Variants in PSMC6 observed in about 807,000 individuals in gnomAD.
The protein encoded by PSMC6 is proteasome 26S subunit, ATPase 6.
In PSMC6, 3 loss-of-function variants were observed where a neutral mutation model predicts 55.9. The ratio of observed to expected loss-of-function variants is 0.05; its 90% CI spans 0.02 to 0.14. The LOEUF (loss-of-function observed/expected upper bound fraction) is 0.14. PSMC6 is among the 10% of genes least tolerant of loss of function. PSMC6 has a pLI of 1.00. For missense variants in PSMC6, 210 were observed against 478.7 expected, an observed-to-expected ratio of 0.44 and a Z score of 5.24; for synonymous variants, 137 against 155.9, an observed-to-expected ratio of 0.88 and a Z score of 0.90.
At chr14:52,718,762 G>A (rs749438041) in intron 9 of PSMC6, 3 of 522,270 alleles carry the variant, frequency 5.7e-6, no homozygotes, top group Non-Finnish European at 1.0e-5. Context: ...CTCCAGCCTG[G>A]CGACAGAGCG....
intron 6 of PSMC6, among the ~76,000 whole-genome samples, chr14:52,712,625 CT>C (rs1300582661): frequency 4.0e-5 from 6 of 149,350 alleles, no homozygotes; most frequent in East Asian, 2.0e-4. Context: ...ATGGACACAA[CT>C]TTTTTTTTTC....
At chr14:52,711,598 A>G (rs2041773240) in intron 6 of PSMC6, 74 bp downstream of exon 6, 1 of 1,021,204 alleles carries the variant, frequency 9.8e-7, no homozygotes, top group South Asian at 1.7e-5. Flanking sequence ...AACAGGAGAA[A>G]CAGGATGAAA....
chr14:52,720,898 G>A lies in PSMC6; in HGVS notation c.815G>A (p.Arg272Lys). The A allele has an allele frequency of 1.2e-6, 2 of 1,609,064 alleles. No homozygotes were observed. Among genetic ancestry groups the A allele is most frequent in the Non-Finnish European group, 8.5e-7 (1 of 1,175,710 alleles). Residue 272 changes from arginine to lysine, a missense_variant, in exon 11 of 14, where the codon AGA (arginine) becomes AAA (lysine). Physicochemically the swap from Arg to Lys is conservative, Grantham distance 26. Transcript: ENST00000445930. ...ATGGATGGATTTGATACTCTGCATAGAGTTAAAATGATCATGGCTACAAAC... is the reference window on the plus strand; with the variant it reads ...ATGGATGGATTTGATACTCTGCATAAAGTTAAAATGATCATGGCTACAAAC... ...NQMDGFDTLHRVKMIMATNRP... is the reference protein window; with the variant it reads ...NQMDGFDTLHKVKMIMATNRP...
intron 1 of PSMC6, 37 bp from the exon 2 acceptor site, chr14:52,708,272 C>T (rs766235103): frequency 6.5e-7 from 1 of 1,535,744 alleles, no homozygotes; most frequent in South Asian, 1.1e-5. Flanking sequence ...ACTAAGATTA[C>T]TGTTCAATTA....
chr14:52,728,141 TTAAA>T lies in PSMC6; in HGVS notation c.*529_*532del, dbSNP rs1880495852. The T allele has an allele frequency of 6.5e-6, 1 of 152,944 alleles. No homozygotes were observed. Among genetic ancestry groups the T allele is most frequent in the Non-Finnish European group, 1.5e-5 (1 of 68,594 alleles). The allele number at this position is 152,944 out of a possible 1,614,324, so 9.5% of individuals were successfully genotyped here. On this transcript the variant is annotated 3_prime_UTR_variant, in exon 14 of 14. Transcript: ENST00000445930. Reference sequence around the variant, plus strand: ...ACTTAATGTTCATAAGATCATCTTCTTAAATAAAACATGGATGTGTGGGTATGTC... The same window carrying T: ...ACTTAATGTTCATAAGATCATCTTCTTAAAACATGGATGTGTGGGTATGTC...
In PSMC6 at chr14:52,723,942, T is replaced by C. The variant is rs753393133; in HGVS notation, c.980-23T>C. ...GTAAAGGTCTAATTTTTAAAACTAATTTCCAGTATTTTTTCTAAACAGATT... is the reference window on the plus strand; with the variant it reads ...GTAAAGGTCTAATTTTTAAAACTAACTTCCAGTATTTTTTCTAAACAGATT... On this transcript the variant is annotated intron_variant, in intron 12 of 13. Coordinates refer to ENST00000445930, the MANE Select transcript of PSMC6 (RefSeq NM_002806.5). 2.5e-6 allele frequency: 4 copies of C among 1,609,124 alleles called. No homozygotes were observed. The South Asian group carries it at 4.5e-5, about 18-fold the overall frequency.
Position 52,712,384 on chromosome 14 carries a change from T to TAAAAAAA in PSMC6, c.441+864_441+870dup, listed in dbSNP as rs35697515. On this transcript the variant is annotated intron_variant, in intron 6 of 13. Coordinates refer to ENST00000445930, the MANE Select transcript of PSMC6 (RefSeq NM_002806.5). The stretch of plus-strand genomic sequence containing the variant: ...ACTTGAGGAAGCACTGGTCTAAGTG[T>TAAAAAAA]AAAAAAAAAAGGCAGTTCTCACCTG... 6.0e-3 allele frequency among the ~76,000 whole-genome samples: 830 copies of TAAAAAAA among 139,384 alleles called. 19 individuals are homozygous for TAAAAAAA. The highest frequency in any genetic ancestry group is 0.016 in the African/African-American group (598 of 37,010). 91.4% of individuals were successfully genotyped at this position (139,384 alleles called of 152,430 possible).
chr14:52,721,241 A>C (rs2041887365), intron 12 of PSMC6, 51 bp downstream of exon 12: 4 of 1,397,450 alleles, frequency 2.9e-6, no homozygotes, highest in Non-Finnish European at 3.9e-6. Context: ...AATGAAGAAA[A>C]ATACTTTTAG....
At chr14:52,714,979 G>T (rs1308453882) in intron 7 of PSMC6, among the ~76,000 whole-genome samples, 1 of 151,658 alleles carries the variant, frequency 6.6e-6, no homozygotes, top group Non-Finnish European at 1.5e-5. Flanking sequence ...AATGTTGTTT[G>T]GCTCTTCCAC....
At chr14:52,718,015 TGC>T in intron 7 of PSMC6, 64 bp from the exon 8 acceptor site, 1 of 1,435,738 alleles carries the variant, frequency 7.0e-7, no homozygotes. Context: ...ACAGAGTGAT[TGC>T]CTGTCTCAAA....
intron 7 of PSMC6, among the ~76,000 whole-genome samples, chr14:52,717,825 C>T (rs12896039): frequency 1.3e-5 from 2 of 151,924 alleles, no homozygotes; most frequent in African/African-American, 4.8e-5. Context: ...CAAGACCAGC[C>T]TGCGCAACAC....
At chr14:52,711,301 T>C in intron 5 of PSMC6, 109 bp from the exon 6 acceptor site, 1 of 1,269,026 alleles carries the variant, frequency 7.9e-7, no homozygotes, top group East Asian at 2.3e-5. Context: ...TAAGCACATC[T>C]TTATGAGATC....
chr14:52,713,594 T>G (rs2041798598), intron 6 of PSMC6, among the ~76,000 whole-genome samples: 1 of 152,234 alleles, frequency 6.6e-6, no homozygotes, highest in Non-Finnish European at 1.5e-5. Context: ...TTCTTAAGTG[T>G]ACATTTCAAA....
In PSMC6 at chr14:52,727,967, A is replaced by G. The variant is rs149524978; in HGVS notation, c.*350A>G. The stretch of plus-strand genomic sequence containing the variant: ...GTTTTCCTCATCTAAAAAGTTGAAT[A>G]AAATCTGTTTGATTCAGTTCTCCTA... On this transcript the variant is annotated 3_prime_UTR_variant, in exon 14 of 14. Coordinates refer to ENST00000445930, the MANE Select transcript of PSMC6 (RefSeq NM_002806.5). 10 of 184,002 alleles carry G rather than the reference A, an allele frequency of 5.4e-5. 1 individual carries two copies. The East Asian group carries it at 1.6e-3, about 29-fold the overall frequency. The allele number at this position is 184,002 out of a possible 1,614,324, so 11.4% of individuals were successfully genotyped here.
chr14:52,708,417 G>A, intron 2 of PSMC6, 29 bp downstream of exon 2: 2 of 1,611,814 alleles, frequency 1.2e-6, no homozygotes, highest in Non-Finnish European at 1.7e-6. Context: ...GGAATAGGGG[G>A]TGATGGTAAT....
chr14:52,710,783 C>T, intron 4 of PSMC6: 1 of 334,590 alleles, frequency 3.0e-6, no homozygotes, highest in Non-Finnish European at 5.5e-6. Context: ...CTAAAATGTT[C>T]ACTAAGGGAT....
chr14:52,727,687 A>T lies in PSMC6; in HGVS notation c.*70A>T, dbSNP rs771436398. The stretch of plus-strand genomic sequence containing the variant: ...TTGTAAAAATAAAGTTAAAGAAAAT[A>T]ATGTATGTATTGGTAATGATGTCAT... On this transcript the variant is annotated 3_prime_UTR_variant, in exon 14 of 14. Coordinates refer to ENST00000445930, the MANE Select transcript of PSMC6 (RefSeq NM_002806.5). 1.3e-5 allele frequency: 14 copies of T among 1,058,836 alleles called. No homozygotes were observed. In the Admixed American group the frequency reaches 2.3e-4, roughly 17 times the overall value. The allele number at this position is 1,058,836 out of a possible 1,614,324, so 65.6% of individuals were successfully genotyped here. A position where few individuals can be genotyped will look rare whatever the true frequency, so the allele number is the denominator to read the frequency against.
intron 9 of PSMC6, 148 bp from the exon 10 acceptor site, chr14:52,718,829 A>G (rs1185331600): frequency 1.5e-6 from 1 of 649,926 alleles, no homozygotes; most frequent in East Asian, 2.8e-5. Context: ...TGTTACACCA[A>G]AATCAAGTCT....
intron 4 of PSMC6, chr14:52,709,734 G>T: frequency 6.9e-6 from 2 of 290,524 alleles, no homozygotes; most frequent in South Asian, 2.7e-5. Flanking sequence ...TTTAGATTTT[G>T]GCTTTTTTTT....
Sources: allele counts gnomAD v4.1 joint callset (sites outside exome capture counted in the v4.1 genomes callset), GRCh38; gene constraint gnomAD v4.1.1; transcripts MANE v1.5; gene names NCBI Gene and HGNC (gene_info 2026-07-23, HGNC 2026-07-21).